SGSM1: variants seen among roughly 807,000 people sequenced by gnomAD.
SGSM1 encodes the protein RUN and TBC1 domain containing 2.
A neutral mutation model predicts 133.8 loss-of-function variants in SGSM1; 73 were observed. That is an observed-to-expected ratio of 0.55 (90% CI 0.45 to 0.66). The LOEUF (loss-of-function observed/expected upper bound fraction) is 0.66. Among genes scored for constraint, SGSM1 ranks in the 30% least tolerant of loss-of-function variants. The pLI is 0.00. For synonymous variants in SGSM1, 563 were observed against 573.0 expected, an observed-to-expected ratio of 0.98 and a Z score of 0.25; for missense variants, 1,213 against 1,448.1, an observed-to-expected ratio of 0.84 and a Z score of 2.64.
Position 24,876,612 on chromosome 22 carries a change from C to T in SGSM1, c.1327C>T (p.Leu443Phe), listed in dbSNP as rs1414974313. Residue 443 changes from leucine to phenylalanine, a missense_variant, in exon 13 of 25, where the codon CTC becomes TTC. By Grantham distance (22) the Leu-to-Phe change is conservative. Transcript: ENST00000400358. ...QDLMDVSVSN[L>F]PSLWQPSPRK... is the part of the protein sequence containing the mutation. ...TCTGATGGACGTCTCTGTAAGCAAC[C>T]TCCCATCCCTGTGGCAGCCCAGTCC... 6.2e-7 allele frequency: 1 copy of T among 1,614,042 alleles called. No homozygotes were observed. The highest frequency in any genetic ancestry group is 2.2e-5 in the East Asian group (1 of 44,884).
At chr22:24,806,402 C>A in intron 1 of SGSM1, 39 bp from the exon 2 acceptor site, 1 of 1,521,092 alleles carries the variant, frequency 6.6e-7, no homozygotes, top group Non-Finnish European at 8.8e-7. Context: ...CCCGCACCCT[C>A]TCTCGGCTGA....
chr22:24,896,903 G>A (rs972693471), intron 18 of SGSM1, among the ~76,000 whole-genome samples: 6 of 152,068 alleles, frequency 3.9e-5, no homozygotes, highest in Non-Finnish European at 8.8e-5. Flanking sequence ...CTTGAACCCG[G>A]GAGGCGGAGG....
chr22:24,872,080 C>T (rs1360458329), intron 12 of SGSM1, among the ~76,000 whole-genome samples: 2 of 152,116 alleles, frequency 1.3e-5, no homozygotes, highest in Non-Finnish European at 2.9e-5. Context: ...GGAGGTGAAT[C>T]GTTGTGACAG....
chr22:24,888,884 A>C (rs1932751452), intron 16 of SGSM1, among the ~76,000 whole-genome samples: 1 of 140,208 alleles, frequency 7.1e-6, no homozygotes. Flanking sequence ...TGCCAGTACC[A>C]CTCTGTCTTG....
chr22:24,858,297 C>A (rs139696), intron 8 of SGSM1, among the ~76,000 whole-genome samples: 2,135 of 152,188 alleles, frequency 0.014, 26 homozygotes, highest in Non-Finnish European at 0.023. Context: ...GTTCTTAAGT[C>A]CTGTAAAGTA....
chr22:24,808,115 GT>G lies in SGSM1; in HGVS notation c.63+1647del, dbSNP rs532530317. On this transcript the variant is annotated intron_variant, in intron 2 of 24. Coordinates refer to ENST00000400358, the MANE Select transcript of SGSM1 (RefSeq NM_001098497.3). ...CCTCTTATCTTTTTTTTTTCTTGGT[GT>G]TTTTTTTTTTTTTTTGAGACGGAGT... Among the ~76,000 whole-genome samples the G allele has an allele frequency of 5.3e-3, 694 of 130,906 alleles. 3 individuals are homozygous for G. Among genetic ancestry groups the G allele is most frequent in the African/African-American group, 0.014 (483 of 33,610 alleles). 85.9% of individuals were successfully genotyped at this position (130,906 alleles called of 152,430 possible). A position where few individuals can be genotyped will look rare whatever the true frequency, so the allele number is the denominator to read the frequency against.
At chr22:24,822,023 A>G (rs1456048870) in intron 2 of SGSM1, among the ~76,000 whole-genome samples, 2 of 151,294 alleles carry the variant, frequency 1.3e-5, no homozygotes, top group Non-Finnish European at 1.5e-5. Flanking sequence ...CCGCCATCAC[A>G]GTATCATGAG....
intron 9 of SGSM1, among the ~76,000 whole-genome samples, chr22:24,861,794 A>T (rs1931168155): frequency 1.4e-5 from 2 of 147,304 alleles, no homozygotes; most frequent in African/African-American, 5.0e-5. Flanking sequence ...TGATCTGCCC[A>T]TCTCGGCCGC....
chr22:24,910,505 G>A (rs1933580418), intron 21 of SGSM1, among the ~76,000 whole-genome samples: 1 of 151,966 alleles, frequency 6.6e-6, no homozygotes, highest in African/African-American at 2.4e-5. Flanking sequence ...AAATTAGCTG[G>A]GCATGGTGGT....
chr22:24,840,239 C>T (rs1009135450), intron 2 of SGSM1, among the ~76,000 whole-genome samples: 32 of 152,018 alleles, frequency 2.1e-4, no homozygotes, highest in African/African-American at 7.2e-4. Flanking sequence ...CCACCACGCC[C>T]GGCCTGGGCA....
At chr22:24,868,618 A>C in intron 11 of SGSM1, 79 bp downstream of exon 11, 2 of 1,610,380 alleles carry the variant, frequency 1.2e-6, no homozygotes, top group Non-Finnish European at 1.7e-6. Context: ...GTGTGCCCTT[A>C]TGTGGCTATG....
At chr22:24,854,933 T>C (rs1269787203) in intron 5 of SGSM1, 63 bp from the exon 6 acceptor site, 8 of 1,371,408 alleles carry the variant, frequency 5.8e-6, no homozygotes, top group Admixed American at 5.6e-5. Flanking sequence ...TGAACTCTCA[T>C]CTGTGGATTG....
At chr22:24,905,286 C>G (rs965421589) in intron 21 of SGSM1, 99 bp downstream of exon 21, 68 of 1,201,536 alleles carry the variant, frequency 5.7e-5, no homozygotes, top group Non-Finnish European at 1.5e-5. Flanking sequence ...GAATGTGGCT[C>G]CAGCCAGGTG....
intron 12 of SGSM1, among the ~76,000 whole-genome samples, chr22:24,870,301 G>A (rs1378961255): frequency 2.0e-5 from 3 of 152,216 alleles, no homozygotes; most frequent in Non-Finnish European, 4.4e-5. Context: ...CTGGGATGTT[G>A]AGCCAGCGTC....
intron 9 of SGSM1, among the ~76,000 whole-genome samples, chr22:24,862,131 G>A (rs1472780136): frequency 6.6e-6 from 1 of 151,324 alleles, no homozygotes; most frequent in Admixed American, 6.6e-5. Flanking sequence ...TGTATTTTTA[G>A]TAGAGACAGG....
At chr22:24,863,092 G>T (rs1931246224) in intron 9 of SGSM1, among the ~76,000 whole-genome samples, 1 of 152,206 alleles carries the variant, frequency 6.6e-6, no homozygotes, top group South Asian at 2.1e-4. Context: ...CAGATAATCG[G>T]GGACCCGTGT....
chr22:24,881,994 C>A (rs1932356639), intron 14 of SGSM1, among the ~76,000 whole-genome samples: 2 of 152,056 alleles, frequency 1.3e-5, no homozygotes, highest in Admixed American at 1.3e-4. Context: ...GTCAGCATCT[C>A]CCTGGTTACT....
At chr22:24,840,970 C>A (rs1752571903) in intron 2 of SGSM1, among the ~76,000 whole-genome samples, 1 of 152,166 alleles carries the variant, frequency 6.6e-6, no homozygotes, top group African/African-American at 2.4e-5. Context: ...CTTGCCTCAG[C>A]CTCTCGAGTA....
At chr22:24,886,387 C>T (rs993754828) in intron 15 of SGSM1, among the ~76,000 whole-genome samples, 15 of 75,422 alleles carry the variant, frequency 2.0e-4, no homozygotes, top group African/African-American at 3.4e-4. Flanking sequence ...GGTGACAGAG[C>T]GCTCTGTCTC....
Sources: gnomAD v4.1 joint callset for allele counts (sites outside exome capture counted in the v4.1 genomes callset) on GRCh38, gnomAD v4.1.1 for gene constraint, MANE v1.5 for transcripts, NCBI Gene and HGNC (gene_info 2026-07-23, HGNC 2026-07-21) for gene names.